The following ZNF354C variants were observed in gnomAD, a reference collection of about 807,000 sequenced individuals.
The protein encoded by ZNF354C is zinc finger protein 354C, also known as KRAB-zinc finger protein synten.
Under a neutral mutation model 12.4 loss-of-function variants are expected in ZNF354C, and 7 were observed. The ratio of observed to expected loss-of-function variants is 0.56; its 90% CI spans 0.32 to 1.06. The LOEUF (loss-of-function observed/expected upper bound fraction) is 1.06. Among genes scored for constraint, ZNF354C ranks in the 50% least tolerant of loss-of-function variants. The pLI is 0.04. For synonymous variants in ZNF354C, 202 were observed against 224.5 expected (o/e 0.90, Z 0.90); for missense variants, 609 against 658.0 (o/e 0.93, Z 0.81).
chr5:179,080,004 T>C lies in ZNF354C; in HGVS notation c.1572T>C (p.Tyr524=), dbSNP rs770868729. The change falls in exon 5 of 5, where the codon TAT becomes TAC. Residue 524 remains tyrosine (Y), a synonymous_variant. Transcript: ENST00000315475. ...HKKVHTKEKL[Y]KWKEYGKPFI... ...AAGTTCACACGAAAGAGAAACTCTA[T>C]AAGTGGAAGGAATATGGGAAACCTT... 19 of 1,613,810 alleles carry C rather than the reference T, an allele frequency of 1.2e-5. No individual in the cohort carries two copies. Among genetic ancestry groups the C allele is most frequent in the Admixed American group, 8.3e-5 (5 of 59,958 alleles).
intron 1 of ZNF354C, among the ~76,000 whole-genome samples, chr5:179,061,771 G>A (rs533639829): frequency 1.3e-5 from 2 of 152,134 alleles, no homozygotes; most frequent in Non-Finnish European, 2.9e-5. Context: ...ACATCCATGG[G>A]GGAGTCACGG....
intron 2 of ZNF354C, among the ~76,000 whole-genome samples, chr5:179,072,280 A>C (rs1280549043): frequency 4.8e-5 from 7 of 147,058 alleles, no homozygotes; most frequent in Admixed American, 2.1e-4. Context: ...GAAAAATAAG[A>C]TACCTGAAAT....
At position 179,064,428 on chromosome 5, in the gene ZNF354C, T is replaced by C. The variant is rs145354841; in HGVS notation, c.27+2333T>C. Among the ~76,000 whole-genome samples the C allele has an allele frequency of 2.0e-5, 3 of 151,766 alleles. No individual in the cohort carries two copies. The East Asian group carries it at 5.8e-4, about 29-fold the overall frequency. On this transcript the variant is annotated intron_variant, in intron 2 of 4. Transcript: ENST00000315475. ...CCCGGCCAATATGTAACCCCCCTTT[T>C]TTTTTGGAGACAGAGTCTTGCTCAG...
intron 2 of ZNF354C, among the ~76,000 whole-genome samples, chr5:179,075,065 C>T (rs1027284957): frequency 2.0e-5 from 3 of 151,626 alleles, no homozygotes; most frequent in Non-Finnish European, 4.4e-5. Context: ...TCAGACCATC[C>T]TGGCCAACAT....
chr5:179,078,247 G>C (rs1025448954), intron 4 of ZNF354C, among the ~76,000 whole-genome samples: 2 of 152,202 alleles, frequency 1.3e-5, no homozygotes. Context: ...GGGAGAAAAC[G>C]TAATGAAAGG....
At chr5:179,061,558 A>T (rs1387211821) in intron 1 of ZNF354C, among the ~76,000 whole-genome samples, 2 of 152,090 alleles carry the variant, frequency 1.3e-5, no homozygotes, top group Non-Finnish European at 2.9e-5. Context: ...CCACGGAAGG[A>T]CCACTCAGGG....
At position 179,065,099 on chromosome 5, in the gene ZNF354C, C is replaced by T. The variant is rs1001680343; in HGVS notation, c.27+3004C>T. ...TTATTTTTTTTACAACAATTTTAGACGAGAGAATAATTACACAGTTATCAT... is the reference window on the plus strand; with the variant it reads ...TTATTTTTTTTACAACAATTTTAGATGAGAGAATAATTACACAGTTATCAT... On this transcript the variant is annotated intron_variant, in intron 2 of 4. Transcript: ENST00000315475. Among the ~76,000 whole-genome samples the T allele has an allele frequency of 8.5e-5, 13 of 152,048 alleles. No homozygotes were observed. The East Asian group carries it at 1.2e-3, about 14-fold the overall frequency.
chr5:179,073,738 G>A (rs1762078499), intron 2 of ZNF354C, among the ~76,000 whole-genome samples: 2 of 152,152 alleles, frequency 1.3e-5, no homozygotes, highest in South Asian at 2.1e-4. Flanking sequence ...TTGGCTCACT[G>A]CAGCTTCCCT....
chr5:179,072,502 T>C (rs1211454265), intron 2 of ZNF354C, among the ~76,000 whole-genome samples: 2 of 152,146 alleles, frequency 1.3e-5, no homozygotes, highest in Admixed American at 1.3e-4. Context: ...GGACAAACTA[T>C]ATTAAAAGGA....
chr5:179,080,091 G>T lies in ZNF354C; in HGVS notation c.1659G>T (p.Glu553Asp), dbSNP rs777490617. The T allele has an allele frequency of 1.6e-5, 25 of 1,550,830 alleles. No homozygotes were observed. The Admixed American group carries it at 2.8e-4, about 17-fold the overall frequency. ...TTTTTAAAGGAGATAAAGCCTATGA[G>T]GTTTAGTTCATCTCTCAAATAATCC... ...QRFFKGDKAY[E>D]V Residue 553 changes from glutamate to aspartate, a missense_variant, in exon 5 of 5, where the codon GAG becomes GAT. Glu to Asp is a conservative substitution (Grantham distance 45, BLOSUM62 2). Coordinates refer to ENST00000315475, the MANE Select transcript of ZNF354C (RefSeq NM_014594.3).
chr5:179,075,646 G>A (rs755584362), intron 2 of ZNF354C, among the ~76,000 whole-genome samples: 6 of 152,112 alleles, frequency 3.9e-5, no homozygotes, highest in Non-Finnish European at 8.8e-5. Flanking sequence ...TTGTGCATGT[G>A]TCATATATAT....
chr5:179,072,224 T>C (rs1211142806), intron 2 of ZNF354C, among the ~76,000 whole-genome samples: 2 of 151,192 alleles, frequency 1.3e-5, no homozygotes, highest in South Asian at 2.1e-4. Flanking sequence ...AGCAGAGAAA[T>C]AGAGATTGTG....
At chr5:179,066,042 C>G (rs929318021) in intron 2 of ZNF354C, among the ~76,000 whole-genome samples, 1 of 152,202 alleles carries the variant, frequency 6.6e-6, no homozygotes, top group Non-Finnish European at 1.5e-5. Context: ...GGTGAAGAAT[C>G]AACATACATT....
Position 179,077,113 on chromosome 5 carries a change from AAGG to A in ZNF354C, c.200_202del (p.Gly67del). On this transcript the variant is annotated inframe_deletion, in exon 4 of 5. Transcript: ENST00000315475. ...CCAAAGTTGATTCATCAGTTGCAGCAAGGAGAAGATCCCTGCATGGTGGAAAGA... is the reference window on the plus strand; with the variant it reads ...CCAAAGTTGATTCATCAGTTGCAGCAAGAAGATCCCTGCATGGTGGAAAGA... 6.2e-7 allele frequency: 1 copy of A among 1,614,232 alleles called. No homozygotes were observed. The highest frequency in any genetic ancestry group is 1.1e-5 in the South Asian group (1 of 91,080).
At chr5:179,066,824 G>C (rs1469816520) in intron 2 of ZNF354C, among the ~76,000 whole-genome samples, 1 of 152,072 alleles carries the variant, frequency 6.6e-6, no homozygotes, top group African/African-American at 2.4e-5. Context: ...CCTAGGTGTA[G>C]ATATTTTGGT....
chr5:179,069,848 A>T (rs751256517), intron 2 of ZNF354C, among the ~76,000 whole-genome samples: 6 of 152,242 alleles, frequency 3.9e-5, no homozygotes, highest in Non-Finnish European at 8.8e-5. Flanking sequence ...CCTGGGCGAC[A>T]GAGCAAGACT....
At chr5:179,067,507 G>A (rs2411986) in intron 2 of ZNF354C, among the ~76,000 whole-genome samples, 1,794 of 152,302 alleles carry the variant, frequency 0.012, 39 homozygotes, top group African/African-American at 0.041. Flanking sequence ...CAAAGAGCAC[G>A]TAAGATGAGA....
chr5:179,082,873 A>C lies in ZNF354C; in HGVS notation c.*2776A>C. The stretch of plus-strand genomic sequence containing the variant: ...CCCTCACAGACTCGCCAAACATTCC[A>C]GGCACTGCACTTGCCAGTGCGCTGA... On this transcript the variant is annotated 3_prime_UTR_variant, in exon 5 of 5. Transcript: ENST00000315475. 9.1e-7 allele frequency: 1 copy of C among 1,103,386 alleles called. No homozygotes were observed. Among genetic ancestry groups the C allele is most frequent in the Admixed American group, 1.7e-5 (1 of 58,992 alleles). 68.3% of individuals were successfully genotyped at this position (1,103,386 alleles called of 1,614,324 possible).
intron 2 of ZNF354C, among the ~76,000 whole-genome samples, chr5:179,066,577 G>C (rs750983512): frequency 3.9e-5 from 6 of 152,214 alleles, no homozygotes; most frequent in Non-Finnish European, 8.8e-5. Flanking sequence ...TTGTCTGAGA[G>C]AGCTTTACTT....
Sources: gnomAD v4.1 joint callset for allele counts (sites outside exome capture counted in the v4.1 genomes callset) on GRCh38, gnomAD v4.1.1 for gene constraint, MANE v1.5 for transcripts, NCBI Gene and HGNC (gene_info 2026-07-23, HGNC 2026-07-21) for gene names.